Variants in TMEM221 observed in about 807,000 individuals in gnomAD.
TMEM221 encodes the protein transmembrane protein 221, also known as Putative transmembrane protein ENSP00000342162.
Under a neutral mutation model 10.2 loss-of-function variants are expected in TMEM221, and 11 were observed. The ratio of observed to expected loss-of-function variants is 1.08; its 90% CI spans 0.68 to 1.79. TMEM221 has a LOEUF of 1.79. TMEM221 is among the 40% of genes most tolerant of loss of function. The pLI is 0.00. For missense variants in TMEM221, 382 were observed against 417.7 expected, an observed-to-expected ratio of 0.91 and a Z score of 0.75; for synonymous variants, 172 against 199.8, an observed-to-expected ratio of 0.86 and a Z score of 1.18.
intron 1 of TMEM221, 49 bp from the exon 2 acceptor site, chr19:17,445,333 G>A (rs377373087): frequency 6.8e-7 from 1 of 1,469,520 alleles, no homozygotes; most frequent in African/African-American, 1.4e-5. Flanking sequence ...AGTGGAGCTG[G>A]TGGGGGGAGG....
intron 1 of TMEM221, among the ~76,000 whole-genome samples, chr19:17,446,148 T>G (rs1024422025): frequency 6.6e-6 from 1 of 151,106 alleles, no homozygotes; most frequent in Non-Finnish European, 1.5e-5. Flanking sequence ...ACCCATCCAC[T>G]GGTCATCCAT....
chr19:17,447,308 C>T (rs1358054965), intron 1 of TMEM221, among the ~76,000 whole-genome samples: 1 of 152,074 alleles, frequency 6.6e-6, no homozygotes, highest in Non-Finnish European at 1.5e-5. Context: ...AGGTGTGAAC[C>T]ACCATGCCTT....
Position 17,439,237 on chromosome 19 carries a change from G to A in TMEM221, c.407-2310C>T, listed in dbSNP as rs1192864675. 2.7e-5 allele frequency among the ~76,000 whole-genome samples: 4 copies of A among 150,814 alleles called. No homozygotes were observed. In the East Asian group the frequency reaches 7.9e-4, roughly 30 times the overall value. ...AAAAAAAAAAGCCTCCCTGTTGGTG[G>A]AATACCCATATGAGGGAATATGATG... On this transcript the variant is annotated intron_variant, in intron 2 of 2. Coordinates refer to ENST00000341130, the MANE Select transcript of TMEM221 (RefSeq NM_001190844.2).
chr19:17,447,744 A>G (rs919327034), intron 1 of TMEM221, among the ~76,000 whole-genome samples: 2 of 152,164 alleles, frequency 1.3e-5, no homozygotes, highest in African/African-American at 4.8e-5. Context: ...AGACCAGGAC[A>G]CAGGCTCTGG....
intron 2 of TMEM221, among the ~76,000 whole-genome samples, chr19:17,443,135 G>C (rs1164053181): frequency 6.6e-6 from 1 of 151,858 alleles, no homozygotes; most frequent in Admixed American, 6.6e-5. Context: ...CAAAAAATTA[G>C]CTGGGCGTGG....
intron 2 of TMEM221, among the ~76,000 whole-genome samples, chr19:17,442,165 A>G (rs2074934481): frequency 6.6e-6 from 1 of 152,196 alleles, no homozygotes; most frequent in Non-Finnish European, 1.5e-5. Context: ...AGATAGAGGC[A>G]TCTTTCTCAG....
At chr19:17,442,203 T>G (rs1487812732) in intron 2 of TMEM221, among the ~76,000 whole-genome samples, 1 of 152,120 alleles carries the variant, frequency 6.6e-6, no homozygotes, top group Non-Finnish European at 1.5e-5. Flanking sequence ...GAACAGCAGA[T>G]GAACAGGTGA....
Position 17,435,604 on chromosome 19 carries a change from T to G in TMEM221, c.*854A>C, listed in dbSNP as rs1256587678. ...TTGAGCCCCAGAAACTACCCATGCC[T>G]ACACCCCAAAAGCAGCAGCAGCATG... On this transcript the variant is annotated 3_prime_UTR_variant, in exon 3 of 3. Transcript: ENST00000341130. 3 of 152,298 alleles carry G rather than the reference T, an allele frequency of 2.0e-5. No homozygotes were observed. Among genetic ancestry groups the G allele is most frequent in the Non-Finnish European group, 4.4e-5 (3 of 68,124 alleles). 9.4% of individuals were successfully genotyped at this position (152,298 alleles called of 1,614,324 possible).
Position 17,438,948 on chromosome 19 carries a change from C to T in TMEM221, c.407-2021G>A, listed in dbSNP as rs1352398181. ...CCTTGCCGGGCACGGTGGCTCACACCTGTAATCCCAGCACTTTGGGAGGCC... is the reference window on the plus strand; with the variant it reads ...CCTTGCCGGGCACGGTGGCTCACACTTGTAATCCCAGCACTTTGGGAGGCC... On this transcript the variant is annotated intron_variant, in intron 2 of 2. Coordinates refer to ENST00000341130, the MANE Select transcript of TMEM221 (RefSeq NM_001190844.2). Among the ~76,000 whole-genome samples, 4 of 150,818 alleles carry T rather than the reference C, an allele frequency of 2.7e-5. No individual in the cohort carries two copies. The East Asian group carries it at 8.2e-4, about 31-fold the overall frequency.
chr19:17,445,430 C>T lies in TMEM221; in HGVS notation c.321-146G>A, dbSNP rs2074949200. 13 of 579,584 alleles carry T rather than the reference C, an allele frequency of 2.2e-5. No individual in the cohort carries two copies. In the East Asian group the frequency reaches 3.7e-4, roughly 16 times the overall value. 35.9% of individuals were successfully genotyped at this position (579,584 alleles called of 1,614,324 possible). The stretch of plus-strand genomic sequence containing the variant: ...AAAATCTATGTGAGTACCTAACCAT[C>T]ATCCATCTACTTGCCCACCCATTTA... On this transcript the variant is annotated intron_variant, in intron 1 of 2. Coordinates refer to ENST00000341130, the MANE Select transcript of TMEM221 (RefSeq NM_001190844.2).
chr19:17,448,081 G>T lies in TMEM221; in HGVS notation c.320+62C>A. On this transcript the variant is annotated intron_variant, in intron 1 of 2. Coordinates refer to ENST00000341130, the MANE Select transcript of TMEM221 (RefSeq NM_001190844.2). The surrounding 1 kb of genome is among the most constrained non-coding windows in gnomAD (Gnocchi z 4.7). ...GCCTGAGGCCAAAAGAGGGGAAGAG[G>T]CTCAACCAGGCTCACCCAGCCCCCA... The T allele has an allele frequency of 1.6e-6, 2 of 1,267,110 alleles. No homozygotes were observed. The highest frequency in any genetic ancestry group is 2.0e-6 in the Non-Finnish European group (2 of 998,606). 78.5% of individuals were successfully genotyped at this position (1,267,110 alleles called of 1,614,324 possible).
chr19:17,439,085 C>T (rs960828997), intron 2 of TMEM221, among the ~76,000 whole-genome samples: 1 of 151,686 alleles, frequency 6.6e-6, no homozygotes, highest in Non-Finnish European at 1.5e-5. Flanking sequence ...CGGGCGCCTG[C>T]AGTCCCAGCT....
chr19:17,443,108 C>T (rs1315604033), intron 2 of TMEM221, among the ~76,000 whole-genome samples: 1 of 151,412 alleles, frequency 6.6e-6, no homozygotes, highest in African/African-American at 2.4e-5. Context: ...GGTGAAACCC[C>T]GTCTCTACTA....
chr19:17,444,701 G>C (rs1268230557), intron 2 of TMEM221: 1 of 124,916 alleles, frequency 8.0e-6, no homozygotes, highest in Non-Finnish European at 1.7e-5. Flanking sequence ...TCTATATATA[G>C]ATATATAATA....
chr19:17,441,066 G>C (rs937438802), intron 2 of TMEM221, among the ~76,000 whole-genome samples: 19 of 151,996 alleles, frequency 1.3e-4, no homozygotes, highest in Non-Finnish European at 1.9e-4. Context: ...AAATTAGCTG[G>C]GCGTGCTGGT....
chr19:17,447,221 C>CAA (rs34087726), intron 1 of TMEM221, among the ~76,000 whole-genome samples: 2 of 133,898 alleles, frequency 1.5e-5, no homozygotes, highest in African/African-American at 2.9e-5. Context: ...GACTCTGTCT[C>CAA]AAAAAAAAAA....
intron 1 of TMEM221, among the ~76,000 whole-genome samples, chr19:17,445,669 T>C (rs998758125): frequency 6.6e-6 from 1 of 151,634 alleles, no homozygotes; most frequent in African/African-American, 2.4e-5. Context: ...CATCCATCCA[T>C]CCATTTATCC....
chr19:17,445,260 G>A lies in TMEM221; in HGVS notation c.345C>T (p.Cys115=), dbSNP rs2074948400. 3.3e-6 allele frequency: 5 copies of A among 1,535,710 alleles called. No homozygotes were observed. Among genetic ancestry groups the A allele is most frequent in the African/African-American group, 1.4e-5 (1 of 73,030 alleles). The stretch of plus-strand genomic sequence containing the variant: ...CAAGGGCCACATGTCTGAGGAGGCG[G>A]CAGTCGTAGAGAAACCAGTCAGACC... ...PRRSDWFLYD[C]RLLRHVALGL... is the part of the protein sequence containing the mutation. The change falls in exon 2 of 3, where the codon TGC becomes TGT. Residue 115 remains cysteine, a synonymous_variant. Coordinates refer to ENST00000341130, the MANE Select transcript of TMEM221 (RefSeq NM_001190844.2).
intron 1 of TMEM221, 56 bp from the exon 2 acceptor site, chr19:17,445,340 G>T: frequency 7.0e-7 from 1 of 1,425,644 alleles, no homozygotes; most frequent in Non-Finnish European, 9.5e-7. Context: ...CTGGTGGGGG[G>T]AGGTCAGTGA....
Sources: allele counts gnomAD v4.1 joint callset (sites outside exome capture counted in the v4.1 genomes callset), GRCh38; gene constraint gnomAD v4.1.1; non-coding constraint Gnocchi (gnomAD v3.1); transcripts MANE v1.5; gene names NCBI Gene and HGNC (gene_info 2026-07-23, HGNC 2026-07-21).